The following C6orf132 variants were observed in gnomAD, a reference collection of about 807,000 sequenced individuals.
C6orf132 encodes uncharacterized protein C6orf132.
In C6orf132, 43 loss-of-function variants were observed where a neutral mutation model predicts 65.3. The observed-to-expected ratio is 0.66, with a 90% confidence interval of 0.52 to 0.85. The LOEUF is 0.85. Ranked by LOEUF, C6orf132 falls within the 40% of genes least tolerant of loss-of-function variation. The pLI is 0.00. For synonymous variants in C6orf132, 631 were observed against 654.1 expected, an observed-to-expected ratio of 0.96 and a Z score of 0.54; for missense variants, 1,488 against 1,548.8, an observed-to-expected ratio of 0.96 and a Z score of 0.66.
chr6:42,113,710 G>A (rs934749381), intron 2 of C6orf132, among the ~76,000 whole-genome samples: 28 of 152,114 alleles, frequency 1.8e-4, no homozygotes, highest in Non-Finnish European at 4.4e-5. Context: ...AGCTATTCAG[G>A]AGGCTAAGGC....
At chr6:42,111,265 C>T (rs545881605) in intron 2 of C6orf132, among the ~76,000 whole-genome samples, 1 of 149,958 alleles carries the variant, frequency 6.7e-6, no homozygotes, top group Non-Finnish European at 1.5e-5. Context: ...ATGTGTGCCA[C>T]CATTCCTGGC....
At position 42,132,202 on chromosome 6, in the gene C6orf132, G is replaced by A. The variant is rs139198059; in HGVS notation, c.146-3424C>T. 2.2e-3 allele frequency among the ~76,000 whole-genome samples: 333 copies of A among 152,274 alleles called. 1 individual carries two copies. Among genetic ancestry groups the A allele is most frequent in the South Asian group, 0.011 (54 of 4,816 alleles). ...AGAGTTCTGACACGCAGAATTGTAA[G>A]ATAGTAAATTTGTTATCAAAATAAA... On this transcript the variant is annotated intron_variant, in intron 1 of 4. Coordinates refer to ENST00000341865, the MANE Select transcript of C6orf132 (RefSeq NM_001164446.3).
intron 1 of C6orf132, among the ~76,000 whole-genome samples, chr6:42,134,418 G>A (rs895935360): frequency 6.6e-6 from 1 of 152,138 alleles, no homozygotes. Flanking sequence ...GGTGGCTCAC[G>A]TCTGTAATCT....
chr6:42,107,362 GC>G lies in C6orf132; in HGVS notation c.549del (p.Ser185AlafsTer40). 1 of 1,043,360 alleles carries G rather than the reference GC, an allele frequency of 9.6e-7. No homozygotes were observed. 64.6% of individuals were successfully genotyped at this position (1,043,360 alleles called of 1,614,324 possible). ...PPPLLLEPPP[P>X]PSMAPPPPPV... ...GGGGGTGGAGGTGGGGCCATGCTGG[GC>G]GGGGGTGGGGGTTCCAGCAGCAGGG... On this transcript the variant is annotated frameshift_variant, in exon 4 of 5. Transcript: ENST00000341865. LOFTEE classifies it high-confidence loss of function.
rs1767049763 is a variant in C6orf132 at position 42,142,317 on chromosome 6, T to C, written c.128A>G (p.Glu43Gly). Reference protein sequence around the residue: ...PWIFTQEAPEEGTGGFDGIYY... With the variant: ...PWIFTQEAPEGGTGGFDGIYY... Reference sequence around the variant, plus strand: ...GTACTCACCGAAGCCCCCGGTCCCCTCCTCCGGGGCCTCCTGGGTGAAGAT... The same window carrying C: ...GTACTCACCGAAGCCCCCGGTCCCCCCCTCCGGGGCCTCCTGGGTGAAGAT... Residue 43 changes from glutamate (E) to glycine (G), a missense_variant, in exon 1 of 5, where the codon GAG (glutamate) becomes GGG (glycine). Physicochemically the swap from Glu to Gly is moderately conservative, Grantham distance 98 (BLOSUM62 -2). Transcript: ENST00000341865. 6.4e-7 allele frequency: 1 copy of C among 1,550,622 alleles called. No individual in the cohort carries two copies. The highest frequency in any genetic ancestry group is 8.7e-7 in the Non-Finnish European group (1 of 1,146,638).
chr6:42,116,542 GT>G (rs1766583000), intron 2 of C6orf132, among the ~76,000 whole-genome samples: 1 of 152,006 alleles, frequency 6.6e-6, no homozygotes, highest in Non-Finnish European at 1.5e-5. Flanking sequence ...TACTTTCCCA[GT>G]CTCCGCCTCA....
At position 42,104,714 on chromosome 6, in the gene C6orf132, C is replaced by T. The variant is rs1472881808; in HGVS notation, c.3198G>A (p.Leu1066=). The stretch of plus-strand genomic sequence containing the variant: ...GGCCTCGGTGCGGCTCCCCGACGTA[C>T]AGGCGCTTCTTTATGAGCGAGCGGC... The part of the protein sequence containing the change: ...GGGRSLIKKR[L]YVGEPHRGPG... The change falls in exon 4 of 5, where the codon CTG becomes CTA. Residue 1066 remains leucine, a synonymous_variant. Transcript: ENST00000341865. The surrounding 1 kb of genome is among the most constrained non-coding windows in gnomAD (Gnocchi z 4.1). 3.9e-6 allele frequency: 6 copies of T among 1,525,156 alleles called. No homozygotes were observed. The highest frequency in any genetic ancestry group is 5.3e-6 in the Non-Finnish European group (6 of 1,142,484). The allele number at this position is 1,525,156 out of a possible 1,614,324, so 94.5% of individuals were successfully genotyped here.
At chr6:42,117,870 G>A (rs1157757490) in intron 2 of C6orf132, among the ~76,000 whole-genome samples, 2 of 134,466 alleles carry the variant, frequency 1.5e-5, no homozygotes, top group East Asian at 4.5e-4. Flanking sequence ...ATTGCAGTGA[G>A]CCAAGATTGT....
chr6:42,128,456 C>A (rs1325761388), intron 2 of C6orf132, among the ~76,000 whole-genome samples: 1 of 152,210 alleles, frequency 6.6e-6, no homozygotes, highest in Middle Eastern at 3.4e-3. Context: ...ATAACTTCTC[C>A]TTGGGCTTGG....
In C6orf132 at chr6:42,109,418, G is replaced by A. The variant is rs531356661; in HGVS notation, c.328+798C>T. ...CTGCCCTCCAGCCTGGCAACAGAGCGAGACTCCATCTCAAATAAATAAATA... is the reference window on the plus strand; with the variant it reads ...CTGCCCTCCAGCCTGGCAACAGAGCAAGACTCCATCTCAAATAAATAAATA... On this transcript the variant is annotated intron_variant, in intron 3 of 4. Coordinates refer to ENST00000341865, the MANE Select transcript of C6orf132 (RefSeq NM_001164446.3). 4.0e-5 allele frequency among the ~76,000 whole-genome samples: 6 copies of A among 149,486 alleles called. 1 individual carries two copies. Among genetic ancestry groups the A allele is most frequent in the African/African-American group, 1.2e-4 (5 of 40,292 alleles).
Position 42,137,336 on chromosome 6 carries a change from G to T in C6orf132, c.145+4964C>A, listed in dbSNP as rs568066940. 2.6e-5 allele frequency among the ~76,000 whole-genome samples: 4 copies of T among 152,304 alleles called. No individual in the cohort carries two copies. In the East Asian group the frequency reaches 7.7e-4, roughly 29 times the overall value. On this transcript the variant is annotated intron_variant, in intron 1 of 4. Transcript: ENST00000341865. ...AGCTTATACAATGGGGCGGCGGAGG[G>T]TGTATATGTGTGCACTGGACTGCCG... is the stretch of plus-strand genomic sequence containing the variant.
intron 1 of C6orf132, among the ~76,000 whole-genome samples, chr6:42,141,080 G>A (rs1191696745): frequency 6.6e-6 from 1 of 152,214 alleles, no homozygotes; most frequent in Non-Finnish European, 1.5e-5. Flanking sequence ...TTACAGCAAA[G>A]GCTCAGAAAG....
chr6:42,106,180 C>T lies in C6orf132; in HGVS notation c.1732G>A (p.Ala578Thr), dbSNP rs1254347958. The T allele has an allele frequency of 6.5e-7, 1 of 1,537,266 alleles. No individual in the cohort carries two copies. The highest frequency in any genetic ancestry group is 2.4e-5 in the East Asian group (1 of 40,916). ...NELEARLSSA[A>T]EKEAKPSIGS... Reference sequence around the variant, plus strand: ...ATGCTGGGCTTAGCCTCCTTCTCTGCTGCTGAGGAGAGCCGGGCCTCCAGC... The same window carrying T: ...ATGCTGGGCTTAGCCTCCTTCTCTGTTGCTGAGGAGAGCCGGGCCTCCAGC... Residue 578 changes from alanine (A) to threonine (T), a missense_variant, in exon 4 of 5, where the codon GCA (alanine) becomes ACA (threonine). Coordinates refer to ENST00000341865, the MANE Select transcript of C6orf132 (RefSeq NM_001164446.3).
At chr6:42,138,489 C>A (rs373228040) in intron 1 of C6orf132, among the ~76,000 whole-genome samples, 14 of 152,274 alleles carry the variant, frequency 9.2e-5, no homozygotes, top group Non-Finnish European at 1.3e-4. Flanking sequence ...ACAACAGGAT[C>A]TTGCCATGTT....
chr6:42,112,860 A>G (rs1766515002), intron 2 of C6orf132, among the ~76,000 whole-genome samples: 1 of 152,168 alleles, frequency 6.6e-6, no homozygotes, highest in Non-Finnish European at 1.5e-5. Context: ...AGAAATATCT[A>G]TGAGACCCTG....
rs1016162753 is a variant in C6orf132 at position 42,106,460 on chromosome 6, C to T, written c.1452G>A (p.Glu484=). The stretch of plus-strand genomic sequence containing the variant: ...CTGGCCTGTGACTGAGGAATCGGTC[C>T]TCTCTCCTGGAGCCACAGAGATAGG... ...LAAYLCGSRR[E]DRFLSHRPGP... The change falls in exon 4 of 5, where the codon GAG becomes GAA. Residue 484 remains glutamate (E), a synonymous_variant. Transcript: ENST00000341865. 3.9e-6 allele frequency: 6 copies of T among 1,536,232 alleles called. No individual in the cohort carries two copies. The African/African-American group carries it at 6.9e-5, about 18-fold the overall frequency.
At chr6:42,128,874 C>G (rs1323514897) in intron 1 of C6orf132, 96 bp from the exon 2 acceptor site, 1 of 841,664 alleles carries the variant, frequency 1.2e-6, no homozygotes, top group Non-Finnish European at 1.9e-6. Flanking sequence ...TGAGGAAAGC[C>G]AGGGCCTGCG....
intron 2 of C6orf132, among the ~76,000 whole-genome samples, chr6:42,118,142 C>T (rs752517196): frequency 1.3e-5 from 2 of 152,258 alleles, no homozygotes; most frequent in Middle Eastern, 3.4e-3. Flanking sequence ...TCACCTGCGT[C>T]GTGTGGGCAG....
intron 2 of C6orf132, among the ~76,000 whole-genome samples, chr6:42,114,454 C>G (rs1201545338): frequency 3.9e-5 from 6 of 152,176 alleles, no homozygotes; most frequent in Admixed American, 3.3e-4. Flanking sequence ...GCTCCTGTGG[C>G]TTACTTAGCT....
Sources: allele counts gnomAD v4.1 joint callset (sites outside exome capture counted in the v4.1 genomes callset), GRCh38; gene constraint gnomAD v4.1.1; non-coding constraint Gnocchi (gnomAD v3.1); transcripts MANE v1.5; gene names NCBI Gene and HGNC (gene_info 2026-07-23, HGNC 2026-07-21).